The following URI1 variants were observed in gnomAD, a reference collection of about 807,000 sequenced individuals.
URI1 encodes URI1 prefoldin like chaperone.
A neutral mutation model predicts 60.2 loss-of-function variants in URI1; 39 were observed. That is an observed-to-expected ratio of 0.65 (90% CI 0.50 to 0.85). The LOEUF (loss-of-function observed/expected upper bound fraction) is 0.85. Among genes scored for constraint, URI1 ranks in the 40% least tolerant of loss-of-function variants. URI1 has a pLI of 0.00. For missense variants in URI1, 691 were observed against 665.9 expected, an observed-to-expected ratio of 1.04 and a Z score of -0.42; for synonymous variants, 251 against 236.8, an observed-to-expected ratio of 1.06 and a Z score of -0.55.
At chr19:29,942,761 C>T (rs1990903) in intron 1 of URI1, 97 bp downstream of exon 1, 1,082,137 of 1,228,778 alleles carry the variant, frequency 0.88, 479,479 homozygotes, top group Non-Finnish European at 0.9. Context: ...CCCAGCTGCC[C>T]GGGCCCCCGG....
At chr19:29,937,617 A>C (rs1458911983), upstream of URI1, 1 of 152,184 alleles carries the variant, frequency 6.6e-6, no homozygotes, top group Non-Finnish European at 1.5e-5. Flanking sequence ...GTGGTTACTG[A>C]TGTTTTTGTT....
At chr19:29,967,852 C>T (rs534667698) in intron 1 of URI1, among the ~76,000 whole-genome samples, 1 of 152,292 alleles carries the variant, frequency 6.6e-6, no homozygotes, top group East Asian at 1.9e-4. Context: ...TACTTCATCT[C>T]TGAATACAGG....
intron 4 of URI1, among the ~76,000 whole-genome samples, chr19:29,992,819 G>GC (rs2055763506): frequency 6.6e-6 from 1 of 152,126 alleles, no homozygotes; most frequent in Non-Finnish European, 1.5e-5. Flanking sequence ...TTTTGTTTCT[G>GC]CATGTCTCTG....
intron 2 of URI1, among the ~76,000 whole-genome samples, chr19:29,981,085 G>A (rs1342077343): frequency 1.3e-5 from 2 of 150,230 alleles, no homozygotes; most frequent in Non-Finnish European, 3.0e-5. Context: ...TGGCCTCAAA[G>A]GATGTAGACT....
chr19:29,987,610 G>A (rs1165633750), intron 4 of URI1, among the ~76,000 whole-genome samples: 1 of 152,120 alleles, frequency 6.6e-6, no homozygotes, highest in Non-Finnish European at 1.5e-5. Context: ...TAGCTCTGAT[G>A]TTATGAAATG....
intron 4 of URI1, among the ~76,000 whole-genome samples, chr19:29,990,896 CA>C (rs1380821385): frequency 6.6e-6 from 1 of 152,130 alleles, no homozygotes; most frequent in East Asian, 1.9e-4. Flanking sequence ...TGTTAAAAAA[CA>C]AATGAATGAG....
chr19:29,990,484 T>C (rs746446843), intron 4 of URI1, among the ~76,000 whole-genome samples: 2 of 152,234 alleles, frequency 1.3e-5, no homozygotes, highest in Non-Finnish European at 2.9e-5. Flanking sequence ...AGCCGAAACA[T>C]GGAAACAACC....
chr19:30,010,930 G>A (rs950687779), intron 8 of URI1, among the ~76,000 whole-genome samples, 164 bp from the exon 9 acceptor site: 1 of 152,106 alleles, frequency 6.6e-6, no homozygotes, highest in South Asian at 2.1e-4. Context: ...TATGAGATAA[G>A]GACTTTTTAA....
chr19:29,949,824 C>G (rs2055156264), intron 1 of URI1, among the ~76,000 whole-genome samples: 1 of 151,990 alleles, frequency 6.6e-6, no homozygotes, highest in Non-Finnish European at 1.5e-5. Flanking sequence ...GCAGGAGAAT[C>G]AGGCAGGGAG....
chr19:29,949,415 C>T (rs1053450655), intron 1 of URI1, among the ~76,000 whole-genome samples: 2 of 151,740 alleles, frequency 1.3e-5, no homozygotes, highest in Non-Finnish European at 2.9e-5. Context: ...AGGCGCTCCC[C>T]ACTTCCCAGA....
At chr19:29,929,108 A>G (rs2054894410) in intron 1 of URI1, among the ~76,000 whole-genome samples, 1 of 152,160 alleles carries the variant, frequency 6.6e-6, no homozygotes, top group African/African-American at 2.4e-5. Context: ...AGGTTTTTGT[A>G]TTGACACAAA....
At chr19:29,965,460 G>A (rs1488039845) in intron 1 of URI1, among the ~76,000 whole-genome samples, 2 of 152,214 alleles carry the variant, frequency 1.3e-5, no homozygotes, top group East Asian at 3.8e-4. Context: ...AGCCTGAAAA[G>A]CACTGAAAAC....
chr19:30,014,935 A>C lies in URI1; in HGVS notation c.1474A>C (p.Thr492Pro), dbSNP rs376131445. Residue 492 changes from threonine to proline, a missense_variant, in exon 11 of 11, where the codon ACA becomes CCA. Thr to Pro is a conservative substitution (Grantham distance 38). Coordinates refer to ENST00000392271, the MANE Select transcript of URI1 (RefSeq NM_003796.3). Reference protein sequence around the residue: ...IEKEFVSPSLTPPPAIAHPAL... With the variant: ...IEKEFVSPSLPPPPAIAHPAL... ...AAAAGAATTTGTATCACCTTCCTTA[A>C]CACCACCCCCAGCCATTGCTCATCC... 3 of 1,613,450 alleles carry C rather than the reference A, an allele frequency of 1.9e-6. No homozygotes were observed. Among genetic ancestry groups the C allele is most frequent in the Admixed American group, 1.7e-5 (1 of 59,978 alleles).
At chr19:29,953,015 G>T (rs1035285704) in intron 1 of URI1, among the ~76,000 whole-genome samples, 1 of 151,990 alleles carries the variant, frequency 6.6e-6, no homozygotes, top group Non-Finnish European at 1.5e-5. Context: ...TGATTTTAGC[G>T]CTTATATTTA....
chr19:29,947,164 A>T (rs1284224172), intron 1 of URI1, among the ~76,000 whole-genome samples: 2 of 152,206 alleles, frequency 1.3e-5, no homozygotes, highest in African/African-American at 4.8e-5. Flanking sequence ...AGATCATTGT[A>T]AGAGTTTTGG....
rs548686172 is a variant in URI1, at chr19:29,949,310, C to CG, written c.117+6650dup. ...GCAGAGGCGCTCCCCACATCCCAGACGGGGCGGCGGGGCGGAGGTGCTCCC... is the reference window on the plus strand; with the variant it reads ...GCAGAGGCGCTCCCCACATCCCAGACGGGGGCGGCGGGGCGGAGGTGCTCCC... On this transcript the variant is annotated intron_variant, in intron 1 of 10. Coordinates refer to ENST00000392271, the MANE Select transcript of URI1 (RefSeq NM_003796.3). 5.4e-4 allele frequency among the ~76,000 whole-genome samples: 81 copies of CG among 149,296 alleles called. 1 individual carries two copies. The highest frequency in any genetic ancestry group is 2.0e-3 in the African/African-American group (79 of 40,386).
At chr19:29,961,733 T>C (rs958834800) in intron 1 of URI1, among the ~76,000 whole-genome samples, 3 of 150,986 alleles carry the variant, frequency 2.0e-5, no homozygotes, top group African/African-American at 7.3e-5. Context: ...TTGCCCAGGC[T>C]GGAGTGCAAT....
At chr19:29,951,410 A>AC (rs997528016) in intron 1 of URI1, among the ~76,000 whole-genome samples, 1 of 152,038 alleles carries the variant, frequency 6.6e-6, no homozygotes, top group Non-Finnish European at 1.5e-5. Context: ...GAACTCTAGC[A>AC]CCCCCCCCTT....
intron 4 of URI1, among the ~76,000 whole-genome samples, chr19:29,993,824 A>G (rs1035053104): frequency 6.6e-6 from 1 of 152,112 alleles, no homozygotes; most frequent in African/African-American, 2.4e-5. Context: ...TATTCCAGGG[A>G]TATTCTGTGC....
Sources: gnomAD v4.1 joint callset for allele counts (sites outside exome capture counted in the v4.1 genomes callset) on GRCh38, gnomAD v4.1.1 for gene constraint, MANE v1.5 for transcripts, NCBI Gene and HGNC (gene_info 2026-07-23, HGNC 2026-07-21) for gene names.